Variants in PHF24 observed in about 807,000 individuals in gnomAD.
PHF24 encodes the protein Galpha inhibitory interacting protein.
Under a neutral mutation model 42.6 loss-of-function variants are expected in PHF24, and 25 were observed. The observed-to-expected ratio is 0.59, with a 90% CI of 0.43 to 0.82. The LOEUF (loss-of-function observed/expected upper bound fraction) is 0.82, where lower values mean the gene tolerates loss of function less well. PHF24 is among the 40% of genes least tolerant of loss of function. The probability of loss-of-function intolerance (pLI) is 0.00; values close to 1 mark genes in which losing one functional copy is unlikely to be tolerated. For synonymous variants in PHF24, 185 were observed against 204.8 expected (o/e 0.90, Z 0.83); for missense variants, 470 against 538.1 (o/e 0.87, Z 1.25).
chr9:34,930,563 T>C, the PHF24 span, among the ~76,000 whole-genome samples: 1 of 152,146 alleles, frequency 6.6e-6, no homozygotes, highest in South Asian at 2.1e-4. Context: ...CCCAAATGCA[T>C]TTTCACAAAG....
the PHF24 span, among the ~76,000 whole-genome samples, chr9:34,750,880 A>G: frequency 2.0e-5 from 3 of 152,210 alleles, no homozygotes; most frequent in Admixed American, 6.5e-5. Context: ...TTACTATGTT[A>G]TTATCCATAA....
At chr9:34,688,477 T>G in the PHF24 span, among the ~76,000 whole-genome samples, 1 of 152,204 alleles carries the variant, frequency 6.6e-6, no homozygotes, top group African/African-American at 2.4e-5. Context: ...GAGATGTCTC[T>G]GGTCTCAGTG....
the PHF24 span, among the ~76,000 whole-genome samples, chr9:34,752,479 T>C: frequency 6.6e-6 from 1 of 152,018 alleles, no homozygotes; most frequent in Non-Finnish European, 1.5e-5. Flanking sequence ...TTACCAACAC[T>C]GAATCATGAA....
chr9:34,978,751 A>C (rs1827294376), exon 8 of PHF24: 1 of 152,130 alleles, frequency 6.6e-6, no homozygotes, highest in Admixed American at 6.5e-5. Flanking sequence ...TCAGCCCTTT[A>C]TTTATTTAAA....
chr9:34,946,968 T>G, the PHF24 span, among the ~76,000 whole-genome samples: 1 of 152,196 alleles, frequency 6.6e-6, no homozygotes, highest in African/African-American at 2.4e-5. Context: ...GGACATCTGT[T>G]TTTAAAATCT....
the PHF24 span, among the ~76,000 whole-genome samples, chr9:34,849,345 C>T: frequency 1.0e-3 from 158 of 152,144 alleles, 2 homozygotes; most frequent in East Asian, 0.027. Flanking sequence ...GATCCCTTTC[C>T]CATTATGTAA....
chr9:34,771,289 G>A, the PHF24 span, among the ~76,000 whole-genome samples: 9 of 152,276 alleles, frequency 5.9e-5, no homozygotes, highest in South Asian at 2.1e-4. Flanking sequence ...TATATATTGC[G>A]TAGTCTATTG....
At chr9:34,682,019 G>A in the PHF24 span, among the ~76,000 whole-genome samples, 1 of 2,674 alleles carries the variant, frequency 3.7e-4, no homozygotes, top group Non-Finnish European at 1.5e-3. Flanking sequence ...CTGTTGCCCA[G>A]GATGGAGTGC....
At chr9:34,900,564 A>G in the PHF24 span, among the ~76,000 whole-genome samples, 17 of 152,292 alleles carry the variant, frequency 1.1e-4, no homozygotes, top group South Asian at 2.5e-3. Flanking sequence ...TCACCACTGC[A>G]CTCCAGCCTA....
At position 34,958,356 on chromosome 9, in the gene PHF24, T is replaced by C. The variant is rs1826462711; in HGVS notation, c.-50T>C. Reference sequence around the variant, plus strand: ...TGGGCTGCGCGGGGCCCGCGGTGTGTAGAGTCCGCCGCCCCGGAGCCGCGT... The same window carrying C: ...TGGGCTGCGCGGGGCCCGCGGTGTGCAGAGTCCGCCGCCCCGGAGCCGCGT... On this transcript the variant is annotated 5_prime_UTR_variant, in exon 1 of 8. Coordinates refer to ENST00000242315, the Ensembl canonical transcript of PHF24. This position sits in a 1 kb window ranked among gnomAD's most constrained non-coding sequence, Gnocchi z 4.5. 6.6e-6 allele frequency: 1 copy of C among 151,452 alleles called. No individual in the cohort carries two copies. Among genetic ancestry groups the C allele is most frequent in the Non-Finnish European group, 1.5e-5 (1 of 67,686 alleles). 9.4% of individuals were successfully genotyped at this position (151,452 alleles called of 1,614,324 possible). A position where few individuals can be genotyped will look rare whatever the true frequency, so the allele number is the denominator to read the frequency against.
chr9:34,978,672 CTAG>C (rs1365471851), exon 8 of PHF24: 1 of 153,254 alleles, frequency 6.5e-6, no homozygotes, highest in Non-Finnish European at 1.5e-5. Context: ...GCTGCTGTTA[CTAG>C]TAGGTGTGCA....
At chr9:34,819,921 T>C in the PHF24 span, among the ~76,000 whole-genome samples, 1 of 152,186 alleles carries the variant, frequency 6.6e-6, no homozygotes, top group Admixed American at 6.5e-5. Context: ...AATTGTGGAT[T>C]CATCCTTGCA....
the PHF24 span, chr9:34,835,718 G>A: frequency 1.3e-6 from 2 of 1,551,238 alleles, no homozygotes; most frequent in Non-Finnish European, 1.7e-6. Context: ...CAGTAATCTT[G>A]TATGCCATCT....
the PHF24 span, among the ~76,000 whole-genome samples, chr9:34,781,879 GTATTATTTCTAT>G: frequency 6.6e-6 from 1 of 152,142 alleles, no homozygotes; most frequent in Non-Finnish European, 1.5e-5. Flanking sequence ...GCAAAACTCT[GTATTATTTCTAT>G]TATTAATGTG....
chr9:34,726,310 G>A, the PHF24 span: 18 of 1,533,662 alleles, frequency 1.2e-5, no homozygotes, highest in Non-Finnish European at 1.5e-5. Context: ...CACGTCTTGG[G>A]AGCCCCCACC....
the PHF24 span, among the ~76,000 whole-genome samples, chr9:34,896,468 A>G: frequency 3.5e-4 from 53 of 152,316 alleles, no homozygotes; most frequent in African/African-American, 1.2e-3. Context: ...AGGCAAATGA[A>G]TGAGGCTCAC....
the PHF24 span, among the ~76,000 whole-genome samples, chr9:34,874,895 T>C: frequency 1.3e-5 from 2 of 152,166 alleles, no homozygotes; most frequent in African/African-American, 4.8e-5. Flanking sequence ...CAATATGAAA[T>C]AGGCACGTCA....
At chr9:34,719,827 T>G in the PHF24 span, among the ~76,000 whole-genome samples, 9 of 152,238 alleles carry the variant, frequency 5.9e-5, no homozygotes, top group African/African-American at 1.9e-4. Context: ...CCTGTCACAA[T>G]ACCTCCTTTG....
At chr9:34,762,518 T>C in the PHF24 span, among the ~76,000 whole-genome samples, 1 of 146,848 alleles carries the variant, frequency 6.8e-6, no homozygotes, top group African/African-American at 2.5e-5. Context: ...TCTGTTCATG[T>C]CATTTGCCCA....
Sources: allele counts gnomAD v4.1 joint callset (sites outside exome capture counted in the v4.1 genomes callset), GRCh38; gene constraint gnomAD v4.1.1; non-coding constraint Gnocchi (gnomAD v3.1); transcripts MANE v1.5; gene names NCBI Gene and HGNC (gene_info 2026-07-23, HGNC 2026-07-21).